FARS2: variants seen among roughly 807,000 people sequenced by gnomAD.
The protein encoded by FARS2 is phenylalanine--tRNA ligase, mitochondrial.
In FARS2, 40 loss-of-function variants were observed where a neutral mutation model predicts 46.4. That is an observed-to-expected ratio of 0.86 (90% confidence interval 0.67 to 1.12). FARS2 has a LOEUF of 1.12. Among genes scored for constraint, FARS2 ranks in the 50% most tolerant of loss-of-function variants. The pLI is 0.00. For missense variants in FARS2, 513 were observed against 567.9 expected, an observed-to-expected ratio of 0.90 and a Z score of 0.98; for synonymous variants, 234 against 214.9, an observed-to-expected ratio of 1.09 and a Z score of -0.78.
intron 6 of FARS2, among the ~76,000 whole-genome samples, chr6:5,704,862 A>C (rs1229790328): frequency 6.6e-6 from 1 of 152,208 alleles, no homozygotes; most frequent in Non-Finnish European, 1.5e-5. Context: ...CTGTTAACGG[A>C]ATTCTGTTAA....
At chr6:5,422,474 A>C (rs151199566) in intron 3 of FARS2, among the ~76,000 whole-genome samples, 65 of 152,172 alleles carry the variant, frequency 4.3e-4, no homozygotes, top group African/African-American at 1.5e-3. Context: ...TTGTGTTGGA[A>C]GCTGAGTTAA....
chr6:5,381,031 C>T (rs1759735895), intron 2 of FARS2, among the ~76,000 whole-genome samples: 1 of 148,288 alleles, frequency 6.7e-6, no homozygotes, highest in African/African-American at 2.6e-5. Flanking sequence ...GACAGAGTCT[C>T]GCTCTGTCGC....
chr6:5,400,938 C>T (rs973932852), intron 2 of FARS2, among the ~76,000 whole-genome samples: 2 of 150,222 alleles, frequency 1.3e-5, no homozygotes, highest in East Asian at 2.0e-4. Flanking sequence ...TTGTCTTGCT[C>T]GGTGTTTTTT....
chr6:5,446,971 A>G (rs1280019801), intron 4 of FARS2, among the ~76,000 whole-genome samples: 2 of 152,164 alleles, frequency 1.3e-5, no homozygotes, highest in Non-Finnish European at 2.9e-5. Context: ...GAAACATGTT[A>G]CTTAGGTGGA....
chr6:5,623,613 G>A (rs1207660119), intron 6 of FARS2, among the ~76,000 whole-genome samples: 1 of 152,132 alleles, frequency 6.6e-6, no homozygotes, highest in Non-Finnish European at 1.5e-5. Flanking sequence ...TCAGGAGGCT[G>A]AGGCAGGAGA....
intron 1 of FARS2, among the ~76,000 whole-genome samples, chr6:5,316,482 A>G (rs1769527119): frequency 6.6e-6 from 1 of 152,194 alleles, no homozygotes; most frequent in South Asian, 2.1e-4. Flanking sequence ...TCCTAGACCC[A>G]TGGAAGAACT....
At chr6:5,615,220 C>T (rs1775408945) in intron 6 of FARS2, among the ~76,000 whole-genome samples, 1 of 152,082 alleles carries the variant, frequency 6.6e-6, no homozygotes, top group Non-Finnish European at 1.5e-5. Context: ...CTGTTTCATT[C>T]TTCAGGGATC....
intron 6 of FARS2, among the ~76,000 whole-genome samples, chr6:5,740,599 C>G (rs1043370314): frequency 3.3e-5 from 5 of 152,038 alleles, no homozygotes; most frequent in Admixed American, 6.6e-5. Flanking sequence ...CCACAAAAGC[C>G]CCCGTTTCCA....
intron 6 of FARS2, among the ~76,000 whole-genome samples, chr6:5,749,375 T>C (rs1444861090): frequency 2.0e-5 from 3 of 152,208 alleles, no homozygotes; most frequent in Non-Finnish European, 4.4e-5. Flanking sequence ...TGGTGGGGAT[T>C]GGAAGAAGGC....
intron 6 of FARS2, among the ~76,000 whole-genome samples, chr6:5,687,822 C>A (rs1180293041): frequency 6.6e-6 from 1 of 152,176 alleles, no homozygotes; most frequent in African/African-American, 2.4e-5. Flanking sequence ...TTGATTCTTC[C>A]TACCCATGAG....
chr6:5,605,004 C>G (rs1774747630), intron 5 of FARS2, among the ~76,000 whole-genome samples: 1 of 152,200 alleles, frequency 6.6e-6, no homozygotes, highest in Non-Finnish European at 1.5e-5. Context: ...GACCTTTGTC[C>G]TCCTCCCTGA....
chr6:5,392,743 C>T (rs1458651214), intron 2 of FARS2, among the ~76,000 whole-genome samples: 1 of 21,642 alleles, frequency 4.6e-5, no homozygotes, highest in East Asian at 1.3e-3. Flanking sequence ...TATACACACA[C>T]ACACACACAC....
intron 4 of FARS2, among the ~76,000 whole-genome samples, chr6:5,536,918 A>G (rs1231042261): frequency 6.6e-6 from 1 of 152,178 alleles, no homozygotes; most frequent in African/African-American, 2.4e-5. Flanking sequence ...CTGAAAAGCT[A>G]ATTTTGTTGG....
At chr6:5,524,533 C>T (rs1769343089) in intron 4 of FARS2, among the ~76,000 whole-genome samples, 1 of 152,192 alleles carries the variant, frequency 6.6e-6, no homozygotes, top group South Asian at 2.1e-4. Context: ...TTCATTGCTA[C>T]TTGACGTGTT....
At chr6:5,422,306 A>G (rs1244966260) in intron 3 of FARS2, among the ~76,000 whole-genome samples, 1 of 152,150 alleles carries the variant, frequency 6.6e-6, no homozygotes, top group Non-Finnish European at 1.5e-5. Flanking sequence ...TTGGGTGGGG[A>G]CACAGCCAAA....
chr6:5,293,493 G>T (rs544943980), intron 1 of FARS2, among the ~76,000 whole-genome samples: 5 of 152,106 alleles, frequency 3.3e-5, no homozygotes, highest in Non-Finnish European at 5.9e-5. Context: ...ATAAAAGATG[G>T]CATTTAAAAC....
chr6:5,728,486 A>C (rs1342399209), intron 6 of FARS2, among the ~76,000 whole-genome samples: 2 of 152,140 alleles, frequency 1.3e-5, no homozygotes. Flanking sequence ...AATTCTACTC[A>C]TGGAAAAAGG....
At chr6:5,657,519 T>A (rs893258213) in intron 6 of FARS2, among the ~76,000 whole-genome samples, 2 of 152,164 alleles carry the variant, frequency 1.3e-5, no homozygotes, top group Non-Finnish European at 2.9e-5. Flanking sequence ...AGGTTTCCCC[T>A]CTGAAGATGC....
intron 6 of FARS2, among the ~76,000 whole-genome samples, chr6:5,679,397 C>A (rs909662380): frequency 6.6e-6 from 1 of 152,104 alleles, no homozygotes; most frequent in Non-Finnish European, 1.5e-5. Context: ...AAACATTAAG[C>A]CCTACTGCAC....
Sources: gnomAD v4.1 joint callset for allele counts (sites outside exome capture counted in the v4.1 genomes callset) on GRCh38, gnomAD v4.1.1 for gene constraint, MANE v1.5 for transcripts, NCBI Gene and HGNC (gene_info 2026-07-23, HGNC 2026-07-21) for gene names.